The following KCNN1 variants were observed in gnomAD, a reference collection of about 807,000 sequenced individuals.
The protein encoded by KCNN1 is potassium calcium-activated channel subfamily N member 1.
KCNN1 carries 20 observed loss-of-function variants against 44.7 expected under a neutral mutation model. The ratio of observed to expected loss-of-function variants is 0.45; its 90% CI spans 0.32 to 0.65. The LOEUF (loss-of-function observed/expected upper bound fraction) is 0.65. Ranked by LOEUF, KCNN1 falls within the 30% of genes least tolerant of loss-of-function variation. KCNN1 has a pLI of 0.05. For missense variants in KCNN1, 632 were observed against 785.3 expected (o/e 0.80, Z 2.33); for synonymous variants, 324 against 341.7 (o/e 0.95, Z 0.57).
In KCNN1 at chr19:17,993,627, C is replaced by T; in HGVS notation, c.1377+68C>T. 7.8e-7 allele frequency: 1 copy of T among 1,282,654 alleles called. No homozygotes were observed. Among genetic ancestry groups the T allele is most frequent in the Non-Finnish European group, 1.1e-6 (1 of 882,534 alleles). The allele number at this position is 1,282,654 out of a possible 1,614,324, so 79.5% of individuals were successfully genotyped here. A position where few individuals can be genotyped will look rare whatever the true frequency, so the allele number is the denominator to read the frequency against. ...GCCCCGGAGCAGATGGGATGGGGCT[C>T]AGCTCCTGCCGGAGGAGGGCACAAG... On this transcript the variant is annotated intron_variant, in intron 9 of 9. Transcript: ENST00000684775. This position sits in a 1 kb window ranked among gnomAD's most constrained non-coding sequence, Gnocchi z 4.5.
chr19:17,988,587 C>G, intron 6 of KCNN1, 62 bp downstream of exon 6: 1 of 1,219,974 alleles, frequency 8.2e-7, no homozygotes, highest in Admixed American at 1.9e-5. Flanking sequence ...TAGAACTTCC[C>G]TGCTTTCCCT....
chr19:17,973,321 C>A (rs1198398740), intron 1 of KCNN1, among the ~76,000 whole-genome samples: 1 of 152,112 alleles, frequency 6.6e-6, no homozygotes, highest in African/African-American at 2.4e-5. Flanking sequence ...CACTCTGCCA[C>A]CCAGGCTGGA....
intron 7 of KCNN1, among the ~76,000 whole-genome samples, chr19:17,991,750 C>T (rs912796623): frequency 4.6e-5 from 7 of 152,228 alleles, no homozygotes; most frequent in South Asian, 2.1e-4. Context: ...AATATGCAGC[C>T]AGTCAGCAAA....
At chr19:17,987,923 A>G (rs1377912827) in intron 5 of KCNN1, among the ~76,000 whole-genome samples, 1 of 150,770 alleles carries the variant, frequency 6.6e-6, no homozygotes, top group African/African-American at 2.4e-5. Flanking sequence ...CGGGTGGATC[A>G]CCTGTCAGGA....
chr19:17,996,968 C>G (rs1054392653), intron 9 of KCNN1, among the ~76,000 whole-genome samples: 1 of 152,202 alleles, frequency 6.6e-6, no homozygotes, highest in Non-Finnish European at 1.5e-5. Flanking sequence ...GGGTGGCAAA[C>G]CGGTGTCCTG....
upstream of KCNN1, among the ~76,000 whole-genome samples, chr19:17,964,514 G>A (rs2031752874): frequency 6.6e-6 from 1 of 152,258 alleles, no homozygotes; most frequent in Admixed American, 6.5e-5. The surrounding 1 kb of genome is among the most constrained non-coding windows in gnomAD (Gnocchi z 4.3). Context: ...GCGCAAGGCA[G>A]TTTCCCAGGG....
At chr19:17,970,729 A>G (rs552996481) in intron 1 of KCNN1, among the ~76,000 whole-genome samples, 2 of 151,698 alleles carry the variant, frequency 1.3e-5, no homozygotes, top group East Asian at 2.0e-4. Flanking sequence ...CCCGGCCACA[A>G]AGAAATAATT....
At chr19:17,990,208 G>C (rs2032740529) in intron 7 of KCNN1, 2 of 421,306 alleles carry the variant, frequency 4.7e-6, no homozygotes, top group South Asian at 3.6e-5. Context: ...GAAATGAATT[G>C]GGCCAGGTGC....
chr19:17,960,552 C>T (rs530136669), intron 2 of KCNN1, among the ~76,000 whole-genome samples: 7 of 152,102 alleles, frequency 4.6e-5, no homozygotes, highest in Admixed American at 1.3e-4. Context: ...ATCGCTTGAA[C>T]GTGGGAGGCG....
intron 9 of KCNN1, among the ~76,000 whole-genome samples, chr19:17,997,162 C>T (rs1395522748): frequency 1.3e-5 from 2 of 152,158 alleles, no homozygotes; most frequent in Non-Finnish European, 2.9e-5. Flanking sequence ...TTGTGGCTGT[C>T]GTGTTCCCAG....
chr19:17,962,821 C>T (rs2031712347), upstream of KCNN1, among the ~76,000 whole-genome samples: 1 of 151,642 alleles, frequency 6.6e-6, no homozygotes, highest in Non-Finnish European at 1.5e-5. Context: ...GATCTTCTGC[C>T]TCAGCCTCCC....
At chr19:17,979,656 G>A (rs2145940331) in intron 3 of KCNN1, among the ~76,000 whole-genome samples, 1 of 151,910 alleles carries the variant, frequency 6.6e-6, no homozygotes, top group East Asian at 1.9e-4. Flanking sequence ...TCTCCCCTAG[G>A]ACTGGCCCTG....
chr19:17,998,534 C>G lies in KCNN1; in HGVS notation c.*128C>G. ...CTGAGTCAGGCTGAGTGGACTGAGG[C>G]CTGCCCCGCCCAGACTGCCCAGGCA... On this transcript the variant is annotated 3_prime_UTR_variant, in exon 10 of 10. Coordinates refer to ENST00000684775, the MANE Select transcript of KCNN1 (RefSeq NM_001386974.1). This position sits in a 1 kb window ranked among gnomAD's most constrained non-coding sequence, Gnocchi z 5.4. 1.0e-6 allele frequency: 1 copy of G among 994,756 alleles called. No individual in the cohort carries two copies. 61.6% of individuals were successfully genotyped at this position (994,756 alleles called of 1,614,324 possible).
At chr19:17,967,667 G>A (rs911234193) in intron 1 of KCNN1, among the ~76,000 whole-genome samples, 1 of 151,978 alleles carries the variant, frequency 6.6e-6, no homozygotes, top group East Asian at 2.0e-4. Flanking sequence ...ATGGGAGGGA[G>A]GTGACCCACC....
chr19:17,967,174 G>GCC lies in KCNN1; in HGVS notation c.-222_-221dup. ...GATGCGCCTGCCGCCGCCGCCCCCGGCCCCGCCGCCCCCGGGCCCCGCGCC... is the reference window on the plus strand; with the variant it reads ...GATGCGCCTGCCGCCGCCGCCCCCGGCCCCCCGCCGCCCCCGGGCCCCGCGCC... On this transcript the variant is annotated 5_prime_UTR_variant, in exon 1 of 10. The change creates a premature stop within an existing upstream ORF in the 5' untranslated region. Coordinates refer to ENST00000684775, the MANE Select transcript of KCNN1 (RefSeq NM_001386974.1). 3.2e-6 allele frequency: 3 copies of GCC among 940,962 alleles called. No individual in the cohort carries two copies. Among genetic ancestry groups the GCC allele is most frequent in the Non-Finnish European group, 3.8e-6 (3 of 791,658 alleles). 58.3% of individuals were successfully genotyped at this position (940,962 alleles called of 1,614,324 possible).
At chr19:17,984,774 C>A (rs905455159) in intron 4 of KCNN1, among the ~76,000 whole-genome samples, 1 of 152,126 alleles carries the variant, frequency 6.6e-6, no homozygotes, top group African/African-American at 2.4e-5. Context: ...AAAGCCGATG[C>A]CCCTCTCTTC....
At position 17,974,008 on chromosome 19, in the gene KCNN1, G is replaced by A. The variant is rs772002390; in HGVS notation, c.120G>A (p.Pro40=). ...AGHPPQPPHS[P]GLQVVVAKSE... The stretch of plus-strand genomic sequence containing the variant: ...ACCCCCCACAACCCCCGCACAGCCC[G>A]GGCCTCCAGGTGGTAGTGGCCAAGA... The change falls in exon 2 of 10, where the codon CCG becomes CCA. Residue 40 remains proline (P), a synonymous_variant. Transcript: ENST00000684775. This position sits in a 1 kb window ranked among gnomAD's most constrained non-coding sequence, Gnocchi z 7.3. The A allele has an allele frequency of 2.2e-5, 35 of 1,597,184 alleles. No homozygotes were observed. Among genetic ancestry groups the A allele is most frequent in the Admixed American group, 2.1e-4 (12 of 57,020 alleles).
intron 4 of KCNN1, 65 bp downstream of exon 4, chr19:17,982,192 A>T: frequency 1.7e-6 from 2 of 1,185,172 alleles, no homozygotes; most frequent in Non-Finnish European, 2.2e-6. Flanking sequence ...CTCCATGCCC[A>T]TTCATGATTT....
At chr19:17,967,461 GAC>G (rs762532332) in intron 1 of KCNN1, 144 bp downstream of exon 1, 6 of 233,786 alleles carry the variant, frequency 2.6e-5, no homozygotes, top group Non-Finnish European at 4.2e-5. Flanking sequence ...GAGCCTAGGA[GAC>G]ACAGGAAAGG....
Sources: allele counts gnomAD v4.1 joint callset (sites outside exome capture counted in the v4.1 genomes callset), GRCh38; gene constraint gnomAD v4.1.1; non-coding constraint Gnocchi (gnomAD v3.1); transcripts MANE v1.5; gene names NCBI Gene and HGNC (gene_info 2026-07-23, HGNC 2026-07-21).